Variants in CNTN4 observed in about 807,000 individuals in gnomAD.
CNTN4 encodes contactin-4.
Under a neutral mutation model 122.5 loss-of-function variants are expected in CNTN4, and 77 were observed. The observed-to-expected ratio is 0.63, with a 90% CI of 0.52 to 0.76. The LOEUF (loss-of-function observed/expected upper bound fraction) is 0.76. Among genes scored for constraint, CNTN4 ranks in the 30% least tolerant of loss-of-function variants. The pLI is 0.00. For synonymous variants in CNTN4, 512 were observed against 447.0 expected (o/e 1.15, Z -1.83); for missense variants, 1,256 against 1,259.1 (o/e 1.00, Z 0.04).
At chr3:2,981,561 T>TG (rs1243438459) in intron 13 of CNTN4, among the ~76,000 whole-genome samples, 3 of 144,518 alleles carry the variant, frequency 2.1e-5, no homozygotes, top group Admixed American at 6.8e-5. Flanking sequence ...ACTATATTCA[T>TG]GAAAAAAAAA....
chr3:2,942,488 C>T (rs2151513754), intron 13 of CNTN4, among the ~76,000 whole-genome samples: 1 of 152,286 alleles, frequency 6.6e-6, no homozygotes, highest in Non-Finnish European at 1.5e-5. Context: ...GACGCAATTA[C>T]TGCAGTTGAT....
chr3:2,113,364 A>G (rs1217085289), intron 2 of CNTN4, among the ~76,000 whole-genome samples: 1 of 152,228 alleles, frequency 6.6e-6, no homozygotes, highest in Non-Finnish European at 1.5e-5. Flanking sequence ...AGTATCATTT[A>G]TATAGAAATT....
chr3:2,722,746 G>C (rs1000451475), intron 4 of CNTN4, among the ~76,000 whole-genome samples: 3 of 152,138 alleles, frequency 2.0e-5, no homozygotes, highest in African/African-American at 7.2e-5. Flanking sequence ...TTTACCTTAT[G>C]ACAAAATGAC....
chr3:2,571,358 A>C, intron 3 of CNTN4, 58 bp from the exon 4 acceptor site: 1 of 695,416 alleles, frequency 1.4e-6, no homozygotes, highest in South Asian at 1.6e-5. Context: ...ATAAACTTGC[A>C]GAGACCACAA....
At chr3:2,321,795 T>G (rs1040063828) in intron 2 of CNTN4, among the ~76,000 whole-genome samples, 1 of 152,112 alleles carries the variant, frequency 6.6e-6, no homozygotes, top group African/African-American at 2.4e-5. Context: ...CTCTGTCACT[T>G]GGGTATTCCT....
At chr3:2,957,158 T>A (rs748515238) in intron 13 of CNTN4, among the ~76,000 whole-genome samples, 2 of 152,162 alleles carry the variant, frequency 1.3e-5, no homozygotes, top group Non-Finnish European at 2.9e-5. Flanking sequence ...TACGCAGAAG[T>A]GGGATTGCTG....
At chr3:2,203,727 A>G (rs950713109) in intron 2 of CNTN4, among the ~76,000 whole-genome samples, 15 of 152,182 alleles carry the variant, frequency 9.9e-5, no homozygotes, top group Admixed American at 3.3e-4. Flanking sequence ...AAGCTAGAAC[A>G]TATCCAGGTA....
Position 2,798,242 on chromosome 3 carries a change from G to A in CNTN4, c.359-21244G>A, listed in dbSNP as rs117077664. Among the ~76,000 whole-genome samples the A allele has an allele frequency of 7.2e-4, 109 of 151,174 alleles. No homozygotes were observed. In the East Asian group the frequency reaches 0.017, roughly 23 times the overall value. Reference sequence around the variant, plus strand: ...CCATCGATGTTGCTACAAAAGACAAGATTTTATTCTTTTTTATGGCTGAGT... The same window carrying A: ...CCATCGATGTTGCTACAAAAGACAAAATTTTATTCTTTTTTATGGCTGAGT... On this transcript the variant is annotated intron_variant, in intron 6 of 24. Coordinates refer to ENST00000418658, the MANE Select transcript of CNTN4 (RefSeq NM_175607.3).
At chr3:2,137,752 A>T (rs1008328683) in intron 2 of CNTN4, among the ~76,000 whole-genome samples, 1 of 152,208 alleles carries the variant, frequency 6.6e-6, no homozygotes, top group Non-Finnish European at 1.5e-5. Context: ...GAAGGGAGAT[A>T]GGGCAGTCAG....
chr3:2,563,089 G>T (rs1467279612), intron 3 of CNTN4, among the ~76,000 whole-genome samples: 1 of 152,024 alleles, frequency 6.6e-6, no homozygotes, highest in Non-Finnish European at 1.5e-5. Context: ...TGGTAGTTCT[G>T]TTTTAAATTC....
chr3:2,122,980 C>T (rs561284247), intron 2 of CNTN4, among the ~76,000 whole-genome samples: 11 of 152,224 alleles, frequency 7.2e-5, no homozygotes, highest in East Asian at 3.9e-4. Context: ...TGGGTACTGT[C>T]GGTGAGACTT....
At chr3:2,847,716 A>C (rs556902386) in intron 7 of CNTN4, among the ~76,000 whole-genome samples, 6 of 152,242 alleles carry the variant, frequency 3.9e-5, no homozygotes, top group Non-Finnish European at 8.8e-5. Context: ...TCGTGCTCAG[A>C]GCTTTTATTG....
At chr3:2,804,736 A>G (rs1173601521) in intron 6 of CNTN4, among the ~76,000 whole-genome samples, 1 of 112,692 alleles carries the variant, frequency 8.9e-6, no homozygotes, top group Non-Finnish European at 1.9e-5. Flanking sequence ...TATTTTGAGC[A>G]CTTTTTTTTT....
intron 3 of CNTN4, among the ~76,000 whole-genome samples, chr3:2,481,064 TCTTTCTC>T (rs2075986945): frequency 1.7e-5 from 2 of 115,156 alleles, no homozygotes; most frequent in African/African-American, 3.4e-5. Flanking sequence ...TTTCTTTCTC[TCTTTCTC>T]TCTTTCTCTC....
chr3:2,419,482 C>T (rs1283397554), intron 3 of CNTN4, among the ~76,000 whole-genome samples: 2 of 152,046 alleles, frequency 1.3e-5, no homozygotes, highest in Non-Finnish European at 2.9e-5. Context: ...ACCCGTAAGT[C>T]CATTCTAGCC....
intron 3 of CNTN4, among the ~76,000 whole-genome samples, chr3:2,341,442 C>T (rs1007502564): frequency 5.3e-5 from 8 of 152,210 alleles, no homozygotes; most frequent in Non-Finnish European, 1.2e-4. Context: ...ATGATGTCTT[C>T]CATAACTATC....
rs200295278 is a variant in CNTN4, at chr3:2,849,994, TC to T, written c.455-16757del. 1.4e-3 allele frequency among the ~76,000 whole-genome samples: 203 copies of T among 149,096 alleles called. 7 individuals are homozygous for T. Among genetic ancestry groups the T allele is most frequent in the African/African-American group, 2.9e-3 (118 of 40,610 alleles). On this transcript the variant is annotated intron_variant, in intron 7 of 24. Transcript: ENST00000418658. ...GAAAATGTTAGCAATCACTTTTTTT[TC>T]TTTTTTTTTTCTGAGACGGAGTCTT...
intron 3 of CNTN4, among the ~76,000 whole-genome samples, chr3:2,553,212 TACTC>T (rs1170204248): frequency 3.3e-5 from 5 of 152,146 alleles, no homozygotes; most frequent in Non-Finnish European, 7.4e-5. Context: ...CCTGGGGAGA[TACTC>T]ACATTATTTC....
At chr3:2,301,660 A>T (rs192691096) in intron 2 of CNTN4, among the ~76,000 whole-genome samples, 2 of 152,288 alleles carry the variant, frequency 1.3e-5, no homozygotes, top group East Asian at 3.9e-4. Context: ...AAAGGAGGCA[A>T]GTAACTTGGG....
Sources: allele counts gnomAD v4.1 joint callset (sites outside exome capture counted in the v4.1 genomes callset), GRCh38; gene constraint gnomAD v4.1.1; transcripts MANE v1.5; gene names NCBI Gene and HGNC (gene_info 2026-07-23, HGNC 2026-07-21).